The following CCSER1 variants were observed in gnomAD, a reference collection of about 807,000 sequenced individuals.
CCSER1 encodes the protein serine-rich coiled-coil domain-containing protein 1.
In CCSER1, 41 loss-of-function variants were observed where a neutral mutation model predicts 82.0. That is an observed-to-expected ratio of 0.50 (90% CI 0.39 to 0.65). The LOEUF (loss-of-function observed/expected upper bound fraction) is 0.65, where lower values mean the gene tolerates loss of function less well. CCSER1 is among the 30% of genes least tolerant of loss of function. The pLI, the probability that CCSER1 is intolerant of heterozygous loss-of-function variation, is 0.00. For synonymous variants in CCSER1, 414 were observed against 383.9 expected, an observed-to-expected ratio of 1.08 and a Z score of -0.92; for missense variants, 1,119 against 1,064.2, an observed-to-expected ratio of 1.05 and a Z score of -0.72.
intron 10 of CCSER1, among the ~76,000 whole-genome samples, chr4:91,355,201 CT>C (rs59032599): frequency 0.68 from 102,251 of 150,438 alleles, 35,145 homozygotes; most frequent in East Asian, 0.89. Flanking sequence ...GACAGATATA[CT>C]TTTTTTTTTT....
At chr4:90,170,086 G>A (rs1339429471) in intron 1 of CCSER1, among the ~76,000 whole-genome samples, 1 of 151,812 alleles carries the variant, frequency 6.6e-6, no homozygotes, top group African/African-American at 2.4e-5. Flanking sequence ...GTTTCCAAAT[G>A]TTCTTAAAGT....
At chr4:90,974,018 A>T (rs1440574998) in intron 9 of CCSER1, among the ~76,000 whole-genome samples, 1 of 151,506 alleles carries the variant, frequency 6.6e-6, no homozygotes, top group Non-Finnish European at 1.5e-5. Context: ...TCACGATCTC[A>T]TAAAAGCAGA....
At chr4:91,210,811 G>A (rs1254744433) in intron 10 of CCSER1, among the ~76,000 whole-genome samples, 4 of 151,810 alleles carry the variant, frequency 2.6e-5, no homozygotes, top group African/African-American at 9.7e-5. Flanking sequence ...AGAGGTCTGA[G>A]GATTAGGTGA....
intron 7 of CCSER1, chr4:90,780,565 C>G (rs1324197077): frequency 1.3e-6 from 2 of 1,550,072 alleles, no homozygotes; most frequent in Non-Finnish European, 1.7e-6. Context: ...AATAAAGACT[C>G]TTTCCATCCA....
intron 8 of CCSER1, among the ~76,000 whole-genome samples, chr4:90,878,140 C>T (rs781086077): frequency 6.6e-6 from 1 of 152,058 alleles, no homozygotes; most frequent in African/African-American, 2.4e-5. Flanking sequence ...ACTATTTATC[C>T]TTAATGACCT....
intron 8 of CCSER1, 145 bp downstream of exon 8, chr4:90,815,990 T>C: frequency 1.9e-6 from 1 of 528,632 alleles, no homozygotes. Context: ...TATAATTCTG[T>C]CATGAAAACT....
At chr4:90,255,667 A>G (rs1400049036) in intron 1 of CCSER1, among the ~76,000 whole-genome samples, 1 of 152,170 alleles carries the variant, frequency 6.6e-6, no homozygotes. Flanking sequence ...CAGAATAGAT[A>G]TCTAGCCTTT....
intron 10 of CCSER1, among the ~76,000 whole-genome samples, chr4:91,369,721 T>G (rs1256610437): frequency 7.7e-6 from 1 of 130,452 alleles, no homozygotes; most frequent in Admixed American, 9.6e-5. Context: ...CAGGCTGGAG[T>G]GCAGTGGCAC....
chr4:90,764,857 G>A (rs1051060799), intron 7 of CCSER1, among the ~76,000 whole-genome samples: 29 of 151,974 alleles, frequency 1.9e-4, no homozygotes, highest in Non-Finnish European at 3.4e-4. Context: ...TCTTTTTACC[G>A]CTGGCTTGTG....
chr4:90,496,161 T>C (rs1404030111), intron 5 of CCSER1, among the ~76,000 whole-genome samples: 1 of 152,208 alleles, frequency 6.6e-6, no homozygotes, highest in East Asian at 1.9e-4. Flanking sequence ...GGATGCCACT[T>C]GAAGTCACAA....
intron 6 of CCSER1, among the ~76,000 whole-genome samples, chr4:90,663,185 A>T (rs144300961): frequency 4.6e-5 from 7 of 152,348 alleles, no homozygotes; most frequent in African/African-American, 1.4e-4. Context: ...AAAAGAAAAT[A>T]ATAATAAATT....
intron 5 of CCSER1, among the ~76,000 whole-genome samples, chr4:90,546,490 T>C (rs565264223): frequency 6.6e-6 from 1 of 152,256 alleles, no homozygotes; most frequent in South Asian, 2.1e-4. Flanking sequence ...GAATTAATTG[T>C]TTATTTTCCT....
At chr4:90,736,767 C>CTTCTT (rs1745720745) in intron 7 of CCSER1, among the ~76,000 whole-genome samples, 1 of 151,530 alleles carries the variant, frequency 6.6e-6, no homozygotes, top group Admixed American at 6.6e-5. Flanking sequence ...TTGTTTTTTC[C>CTTCTT]TTCTTTCCTC....
At chr4:90,802,533 A>G (rs1175058844) in intron 7 of CCSER1, among the ~76,000 whole-genome samples, 4 of 150,598 alleles carry the variant, frequency 2.7e-5, no homozygotes, top group Non-Finnish European at 1.5e-5. Flanking sequence ...TTTTTAGTTA[A>G]TGTTTATAAA....
At chr4:90,628,570 T>G (rs1486801074) in intron 6 of CCSER1, among the ~76,000 whole-genome samples, 1 of 152,218 alleles carries the variant, frequency 6.6e-6, no homozygotes, top group Non-Finnish European at 1.5e-5. Flanking sequence ...ATCTATTAAA[T>G]GTATTTCACA....
At chr4:90,148,359 C>T (rs979914841) in intron 1 of CCSER1, among the ~76,000 whole-genome samples, 7 of 151,964 alleles carry the variant, frequency 4.6e-5, no homozygotes, top group African/African-American at 1.7e-4. Flanking sequence ...TTTAGAAAAG[C>T]CCAGTATTAG....
At chr4:90,207,314 A>T (rs560180352) in intron 1 of CCSER1, among the ~76,000 whole-genome samples, 1 of 152,082 alleles carries the variant, frequency 6.6e-6, no homozygotes, top group Non-Finnish European at 1.5e-5. Flanking sequence ...TGCCTCATGA[A>T]ATTCTCATGC....
intron 7 of CCSER1, among the ~76,000 whole-genome samples, chr4:90,744,225 T>A (rs1163727664): frequency 6.6e-6 from 1 of 152,180 alleles, no homozygotes; most frequent in East Asian, 1.9e-4. Flanking sequence ...GGCCTTGTGC[T>A]AGACCCTGAG....
intron 6 of CCSER1, among the ~76,000 whole-genome samples, chr4:90,718,482 G>C (rs1742080077): frequency 6.6e-6 from 1 of 152,046 alleles, no homozygotes; most frequent in Non-Finnish European, 1.5e-5. Flanking sequence ...ATTCTACCAA[G>C]CACCTTAATA....
Sources: gnomAD v4.1 joint callset for allele counts (sites outside exome capture counted in the v4.1 genomes callset) on GRCh38, gnomAD v4.1.1 for gene constraint, MANE v1.5 for transcripts, NCBI Gene and HGNC (gene_info 2026-07-23, HGNC 2026-07-21) for gene names.